CACNA1B: variants seen among roughly 807,000 people sequenced by gnomAD.
CACNA1B encodes the protein calcium voltage-gated channel subunit alpha1 B.
CACNA1B carries 70 observed loss-of-function variants against 247.2 expected under a neutral mutation model. The ratio of observed to expected loss-of-function variants is 0.28; its 90% CI spans 0.23 to 0.35. The LOEUF is 0.35. CACNA1B is among the 10% of genes least tolerant of loss of function. The probability of loss-of-function intolerance (pLI) is 1.00; values close to 1 mark genes in which losing one functional copy is unlikely to be tolerated. For synonymous variants in CACNA1B, 1,231 were observed against 1,294.4 expected (o/e 0.95, Z 1.05); for missense variants, 2,367 against 3,197.4 (o/e 0.74, Z 6.26).
intron 36 of CACNA1B, among the ~76,000 whole-genome samples, chr9:138,086,509 C>T (rs1960698141): frequency 6.6e-6 from 1 of 150,936 alleles, no homozygotes; most frequent in Non-Finnish European, 1.5e-5. Context: ...ACACTCCAGC[C>T]TGGGCAACAT....
intron 36 of CACNA1B, among the ~76,000 whole-genome samples, chr9:138,078,875 G>A (rs1470868730): frequency 6.6e-6 from 1 of 152,164 alleles, no homozygotes; most frequent in Non-Finnish European, 1.5e-5. Flanking sequence ...ATGCGAAGAG[G>A]AAAAAGCAGG....
chr9:137,965,358 G>T (rs1328506950), intron 10 of CACNA1B, among the ~76,000 whole-genome samples: 1 of 152,234 alleles, frequency 6.6e-6, no homozygotes, highest in Non-Finnish European at 1.5e-5. Context: ...GTGTTTAAAA[G>T]ATATTGGATT....
intron 20 of CACNA1B, among the ~76,000 whole-genome samples, chr9:138,037,718 T>C (rs750141563): frequency 5.3e-5 from 8 of 152,124 alleles, no homozygotes; most frequent in Non-Finnish European, 8.8e-5. Flanking sequence ...TTTGGAAGGC[T>C]TCCAGGTGGT....
chr9:137,978,056 C>G (rs1307031124), intron 12 of CACNA1B, among the ~76,000 whole-genome samples: 3 of 137,406 alleles, frequency 2.2e-5, no homozygotes, highest in African/African-American at 8.3e-5. Context: ...TACCCTCCCC[C>G]CCAGGAAGGA....
rs1192345040 is a variant in CACNA1B at position 138,124,539 on chromosome 9, C to T, written c.*2540C>T. ...TTTATCAGCCAAACTTTGGATTCTG[C>T]TGTTGTTTCTACAATGACATTTTGT... On this transcript the variant is annotated 3_prime_UTR_variant, in exon 47 of 47. Coordinates refer to ENST00000371372, the MANE Select transcript of CACNA1B (RefSeq NM_000718.4). 2 of 152,046 alleles carry T rather than the reference C, an allele frequency of 1.3e-5. No homozygotes were observed. Among genetic ancestry groups the T allele is most frequent in the African/African-American group, 4.8e-5 (2 of 41,398 alleles). 9.4% of individuals were successfully genotyped at this position (152,046 alleles called of 1,614,324 possible).
At chr9:138,027,834 A>G (rs182828486) in intron 20 of CACNA1B, among the ~76,000 whole-genome samples, 1 of 152,182 alleles carries the variant, frequency 6.6e-6, no homozygotes, top group African/African-American at 2.4e-5. Context: ...GATTCTCTTT[A>G]ACATTTTTTG....
intron 10 of CACNA1B, among the ~76,000 whole-genome samples, chr9:137,961,951 T>C (rs1048692435): frequency 1.4e-4 from 22 of 152,164 alleles, no homozygotes; most frequent in African/African-American, 4.1e-4. Flanking sequence ...TTCAGTAGAA[T>C]TGATACCAGC....
chr9:137,987,438 T>C (rs1958379009), intron 15 of CACNA1B, among the ~76,000 whole-genome samples: 1 of 152,198 alleles, frequency 6.6e-6, no homozygotes, highest in Non-Finnish European at 1.5e-5. Context: ...GGCCCCACAG[T>C]CCTGCCCATG....
intron 36 of CACNA1B, among the ~76,000 whole-genome samples, chr9:138,080,495 A>C (rs187723512): frequency 8.5e-5 from 13 of 152,208 alleles, no homozygotes; most frequent in Non-Finnish European, 1.6e-4. Flanking sequence ...GTTGATAAGC[A>C]TGTTTAGTGT....
rs368355069 is a variant in CACNA1B, at chr9:138,068,266, G to A, written c.4669-1492G>A. On this transcript the variant is annotated intron_variant, in intron 31 of 46. Coordinates refer to ENST00000371372, the MANE Select transcript of CACNA1B (RefSeq NM_000718.4). ...ATCTGCAGAGGAGGAAGGGAGACCC[G>A]AGACGGCTTCGGAAGTGATGGTGAT... Among the ~76,000 whole-genome samples, 24 of 152,316 alleles carry A rather than the reference G, an allele frequency of 1.6e-4. No individual in the cohort carries two copies. The East Asian group carries it at 1.7e-3, about 11-fold the overall frequency.
At chr9:138,077,912 G>A (rs1589115147) in intron 35 of CACNA1B, among the ~76,000 whole-genome samples, 1 of 152,342 alleles carries the variant, frequency 6.6e-6, no homozygotes, top group South Asian at 2.1e-4. Context: ...TTAGTAAGCA[G>A]TGGTTTCCCA....
chr9:137,976,126 C>A, intron 12 of CACNA1B, 107 bp downstream of exon 12: 1 of 717,716 alleles, frequency 1.4e-6, no homozygotes, highest in South Asian at 1.7e-5. Flanking sequence ...TGTGACCCTA[C>A]ATGGGTCAGA....
intron 6 of CACNA1B, among the ~76,000 whole-genome samples, chr9:137,942,853 T>G (rs1283617066): frequency 1.3e-5 from 2 of 152,152 alleles, no homozygotes; most frequent in Non-Finnish European, 2.9e-5. Flanking sequence ...GACTACAAAT[T>G]GTGTGCAGCA....
intron 39 of CACNA1B, among the ~76,000 whole-genome samples, chr9:138,108,818 T>G (rs529933349): frequency 3.9e-4 from 60 of 152,188 alleles, no homozygotes; most frequent in African/African-American, 1.3e-3. Context: ...CTGGCTAACT[T>G]TTTTGTATTT....
rs1958177438 is a variant in CACNA1B, at chr9:137,973,218, T to C, written c.1543+1626T>C. On this transcript the variant is annotated intron_variant, in intron 11 of 46. Coordinates refer to ENST00000371372, the MANE Select transcript of CACNA1B (RefSeq NM_000718.4). This position sits in a 1 kb window ranked among gnomAD's most constrained non-coding sequence, Gnocchi z 4.1. The stretch of plus-strand genomic sequence containing the variant: ...CTGACCGTAGACCGCTACTGTGTCT[T>C]CTCTGTGGTTTCCTGGAGTTCCTGG... 6.6e-6 allele frequency among the ~76,000 whole-genome samples: 1 copy of C among 152,148 alleles called. No homozygotes were observed. The highest frequency in any genetic ancestry group is 2.1e-4 in the South Asian group (1 of 4,822).
intron 3 of CACNA1B, among the ~76,000 whole-genome samples, chr9:137,893,465 A>G (rs1429273458): frequency 6.6e-5 from 10 of 151,358 alleles, no homozygotes; most frequent in Non-Finnish European, 1.2e-4. Context: ...CCTGACCAAC[A>G]TGGTGAAACC....
chr9:138,049,322 A>G lies in CACNA1B; in HGVS notation c.3710+7A>G. ...TGGTGGCGTTTGCTTTCTCGTAAGT[A>G]ACGTTCGCTCTGCTCTGGCTAGGGA... is the stretch of plus-strand genomic sequence containing the variant. On this transcript the variant is annotated splice_region_variant and intron_variant, in intron 24 of 46. Coordinates refer to ENST00000371372, the MANE Select transcript of CACNA1B (RefSeq NM_000718.4). 2 of 1,550,058 alleles carry G rather than the reference A, an allele frequency of 1.3e-6. No individual in the cohort carries two copies. Among genetic ancestry groups the G allele is most frequent in the Non-Finnish European group, 1.8e-6 (2 of 1,121,670 alleles).
chr9:137,879,986 T>A (rs1362839258), intron 2 of CACNA1B, among the ~76,000 whole-genome samples: 3 of 152,086 alleles, frequency 2.0e-5, no homozygotes, highest in Admixed American at 2.0e-4. Flanking sequence ...GCAGAGCAAG[T>A]GGGGGCCCAG....
intron 15 of CACNA1B, among the ~76,000 whole-genome samples, chr9:137,997,837 C>T (rs1264190010): frequency 6.6e-6 from 1 of 152,190 alleles, no homozygotes; most frequent in Non-Finnish European, 1.5e-5. Context: ...CATGTAAAGC[C>T]ATCCTAGCAG....
Sources: allele counts gnomAD v4.1 joint callset (sites outside exome capture counted in the v4.1 genomes callset), GRCh38; gene constraint gnomAD v4.1.1; non-coding constraint Gnocchi (gnomAD v3.1); transcripts MANE v1.5; gene names NCBI Gene and HGNC (gene_info 2026-07-23, HGNC 2026-07-21).